DNAH3: variants seen among roughly 807,000 people sequenced by gnomAD.
DNAH3 encodes the protein axonemal beta dynein heavy chain 3.
In DNAH3, 332 loss-of-function variants were observed where a neutral mutation model predicts 432.5. That is an observed-to-expected ratio of 0.77 (90% CI 0.70 to 0.84). The LOEUF (loss-of-function observed/expected upper bound fraction) is 0.84. Ranked by LOEUF, DNAH3 falls within the 40% of genes least tolerant of loss-of-function variation. DNAH3 has a pLI of 0.00. For synonymous variants in DNAH3, 1,956 were observed against 1,900.2 expected, an observed-to-expected ratio of 1.03 and a Z score of -0.76; for missense variants, 4,861 against 5,114.0, an observed-to-expected ratio of 0.95 and a Z score of 1.51.
chr16:21,080,860 A>G (rs1207204169), intron 20 of DNAH3, among the ~76,000 whole-genome samples: 1 of 152,178 alleles, frequency 6.6e-6, no homozygotes, highest in Non-Finnish European at 1.5e-5. Context: ...AAATTCTCAC[A>G]CACAAACTCC....
At chr16:21,129,567 CAAAAAAA>C (rs555280776) in intron 7 of DNAH3, among the ~76,000 whole-genome samples, 25 of 78,050 alleles carry the variant, frequency 3.2e-4, no homozygotes, top group African/African-American at 1.1e-3. Flanking sequence ...CCTATCTCTA[CAAAAAAA>C]AAAAAAAAAA....
intron 57 of DNAH3, among the ~76,000 whole-genome samples, chr16:20,946,350 G>C (rs1388502153): frequency 1.3e-5 from 2 of 152,108 alleles, no homozygotes; most frequent in Non-Finnish European, 2.9e-5. Context: ...CCTCCACTTC[G>C]AGTTTTCCCG....
chr16:20,955,653 A>G (rs1397065251), intron 54 of DNAH3, among the ~76,000 whole-genome samples: 2 of 152,056 alleles, frequency 1.3e-5, no homozygotes, highest in Non-Finnish European at 2.9e-5. Flanking sequence ...CAGAGACAAT[A>G]TGGCCACAAA....
At chr16:20,987,384 A>G (rs1338184847) in exon 47 of DNAH3, 4 of 1,614,062 alleles carry the variant, frequency 2.5e-6, no homozygotes, top group Admixed American at 1.7e-5. Context: ...CTCCTTGTCA[A>G]TCAGACGATC....
chr16:21,147,227 T>TC (rs2092797332), intron 1 of DNAH3, among the ~76,000 whole-genome samples: 1 of 151,672 alleles, frequency 6.6e-6, no homozygotes, highest in South Asian at 2.1e-4. Context: ...CTCTTGCATT[T>TC]TTTTTTTTTT....
At chr16:21,157,490 T>G (rs1270731120) in intron 1 of DNAH3, among the ~76,000 whole-genome samples, 1 of 151,906 alleles carries the variant, frequency 6.6e-6, no homozygotes, top group Non-Finnish European at 1.5e-5. Flanking sequence ...CCACCATGCC[T>G]GGCTAGTTTT....
chr16:21,134,774 C>T (rs2152823782), intron 6 of DNAH3, among the ~76,000 whole-genome samples: 1 of 151,832 alleles, frequency 6.6e-6, no homozygotes, highest in East Asian at 1.9e-4. Context: ...TCCACCTCCG[C>T]CTCCTAGGTT....
chr16:21,100,088 G>GTC (rs745925464), intron 16 of DNAH3, among the ~76,000 whole-genome samples: 21 of 151,542 alleles, frequency 1.4e-4, no homozygotes, highest in Non-Finnish European at 2.5e-4. Flanking sequence ...AGTGGTTTGA[G>GTC]TCTCTCTCTC....
chr16:21,049,454 G>T, intron 31 of DNAH3, 115 bp downstream of exon 31: 1 of 750,404 alleles, frequency 1.3e-6, no homozygotes, highest in South Asian at 1.8e-5. Flanking sequence ...TGCTTTGGAG[G>T]TTCTTGTGTC....
At chr16:20,985,166 T>G (rs950094887) in exon 48 of DNAH3, 1 of 1,614,096 alleles carries the variant, frequency 6.2e-7, no homozygotes, top group Non-Finnish European at 8.5e-7. Context: ...TTCTCCACGA[T>G]GTCAGCCTTC....
rs148561668 is a variant in DNAH3 at position 21,140,844 on chromosome 16, T to C, written c.522-134A>G. The C allele has an allele frequency of 3.4e-3, 2,433 of 713,730 alleles. 62 individuals carry two copies. The African/African-American group carries it at 0.038, about 11-fold the overall frequency. 44.2% of individuals were successfully genotyped at this position (713,730 alleles called of 1,614,324 possible). On this transcript the variant is annotated intron_variant, in intron 4 of 61. Transcript: ENST00000261383. The stretch of plus-strand genomic sequence containing the variant: ...CTCTCCTCTGTGTCATCTAATGGCA[T>C]GTGTGTATACTTCCAAGATGACCCT...
At chr16:21,058,713 C>T (rs1597266593) in intron 26 of DNAH3, among the ~76,000 whole-genome samples, 1 of 152,178 alleles carries the variant, frequency 6.6e-6, no homozygotes, top group African/African-American at 2.4e-5. Context: ...TGGAAGCCAT[C>T]ATTCTCAGCA....
chr16:20,941,330 C>T, intron 59 of DNAH3, 71 bp downstream of exon 59: 1 of 1,586,886 alleles, frequency 6.3e-7, no homozygotes, highest in Non-Finnish European at 8.6e-7. Flanking sequence ...AACCCCTTCT[C>T]AGCTACTGCC....
rs1567728063 is a variant in DNAH3 at position 21,065,455 on chromosome 16, C to T, written c.3518+1828G>A. Among the ~76,000 whole-genome samples the T allele has an allele frequency of 2.0e-5, 3 of 152,264 alleles. No individual in the cohort carries two copies. In the East Asian group the frequency reaches 5.8e-4, roughly 29 times the overall value. ...GGATTACAGGCAGGAGCCACCACGCCTGGTCTATTATTCATATTTTAATTA... is the reference window on the plus strand; with the variant it reads ...GGATTACAGGCAGGAGCCACCACGCTTGGTCTATTATTCATATTTTAATTA... On this transcript the variant is annotated intron_variant, in intron 24 of 61. Transcript: ENST00000261383.
At chr16:20,939,278 TG>T (rs976674471) in intron 59 of DNAH3, among the ~76,000 whole-genome samples, 2 of 152,142 alleles carry the variant, frequency 1.3e-5, no homozygotes, top group African/African-American at 4.8e-5. Flanking sequence ...CCCCATACCT[TG>T]CTTGGTCCCT....
exon 8 of DNAH3, chr16:21,127,771 G>A (rs745679771): frequency 1.2e-5 from 19 of 1,613,974 alleles, no homozygotes; most frequent in Admixed American, 3.3e-5. Flanking sequence ...CAATTTTCCC[G>A]CTAGTATTTC....
chr16:21,070,726 A>G lies in DNAH3; in HGVS notation c.3185T>C (p.Ile1062Thr), dbSNP rs765328070. Reference sequence around the variant, plus strand: ...TCCTCTTACCCGGCATTCTGCTTCTATTGGTTTGATGAATGGGGAGCCACA... The same window carrying G: ...TCCTCTTACCCGGCATTCTGCTTCTGTTGGTTTGATGAATGGGGAGCCACA... The change falls in exon 22 of 62, where the codon ATA becomes ACA. Residue 1062 changes from isoleucine to threonine, a missense_variant. Transcript: ENST00000261383. The G allele has an allele frequency of 1.2e-5, 20 of 1,609,194 alleles. No homozygotes were observed. The East Asian group carries it at 3.8e-4, about 31-fold the overall frequency.
At chr16:21,111,746 G>T in exon 14 of DNAH3, 2 of 1,614,000 alleles carry the variant, frequency 1.2e-6, no homozygotes, top group Non-Finnish European at 1.7e-6. Flanking sequence ...CATGGCTAAA[G>T]GCACGGTGAT....
intron 40 of DNAH3, 74 bp from the exon 41 acceptor site, chr16:21,019,943 T>C: frequency 1.3e-6 from 2 of 1,565,094 alleles, no homozygotes; most frequent in Non-Finnish European, 1.7e-6. Flanking sequence ...ACTGGTTGGC[T>C]TTGCCTTTGA....
Sources: allele counts gnomAD v4.1 joint callset (sites outside exome capture counted in the v4.1 genomes callset), GRCh38; gene constraint gnomAD v4.1.1; transcripts MANE v1.5; gene names NCBI Gene and HGNC (gene_info 2026-07-23, HGNC 2026-07-21).